Variants in ADGRD1 observed in about 807,000 individuals in gnomAD.
ADGRD1 encodes G-protein coupled receptor 133.
Under a neutral mutation model 113.4 loss-of-function variants are expected in ADGRD1, and 77 were observed. That is an observed-to-expected ratio of 0.68 (90% CI 0.57 to 0.82). The LOEUF (loss-of-function observed/expected upper bound fraction) is 0.82. Among genes scored for constraint, ADGRD1 ranks in the 40% least tolerant of loss-of-function variants. The probability of loss-of-function intolerance (pLI) is 0.00; values close to 1 mark genes in which losing one functional copy is unlikely to be tolerated. For synonymous variants in ADGRD1, 474 were observed against 475.0 expected, an observed-to-expected ratio of 1.00 and a Z score of 0.03; for missense variants, 1,036 against 1,139.1, an observed-to-expected ratio of 0.91 and a Z score of 1.30.
At chr12:131,101,377 C>CTTTCTTTTTTTTTTTTTTTTT (rs1950076237) in intron 15 of ADGRD1, among the ~76,000 whole-genome samples, 2 of 36,134 alleles carry the variant, frequency 5.5e-5, no homozygotes, top group African/African-American at 1.8e-4. Context: ...TTCTTTCTTT[C>CTTTCTTTTTTTTTTTTTTTTT]TTTTTTTTTT....
At chr12:131,029,515 T>C (rs1344741373) in intron 13 of ADGRD1, among the ~76,000 whole-genome samples, 1 of 151,584 alleles carries the variant, frequency 6.6e-6, no homozygotes, top group African/African-American at 2.4e-5. Context: ...ATTCCCAGGC[T>C]CTGGGATTAG....
At chr12:131,116,817 CAG>C (rs1950475768) in intron 18 of ADGRD1, among the ~76,000 whole-genome samples, 1 of 152,376 alleles carries the variant, frequency 6.6e-6, no homozygotes, top group East Asian at 1.9e-4. Flanking sequence ...GAGCAGAGGA[CAG>C]AGGCTGCTGT....
intron 15 of ADGRD1, among the ~76,000 whole-genome samples, chr12:131,088,751 G>A (rs1344338383): frequency 6.6e-6 from 1 of 152,158 alleles, no homozygotes; most frequent in African/African-American, 2.4e-5. Context: ...CGGGGGTGGA[G>A]GGGCACGAGT....
At chr12:131,091,199 G>A (rs1412420819) in intron 15 of ADGRD1, among the ~76,000 whole-genome samples, 1 of 152,148 alleles carries the variant, frequency 6.6e-6, no homozygotes, top group Non-Finnish European at 1.5e-5. Flanking sequence ...TAGGCCATTG[G>A]AACAGATAGA....
chr12:131,086,745 G>T (rs564278944), intron 15 of ADGRD1, among the ~76,000 whole-genome samples: 1 of 152,230 alleles, frequency 6.6e-6, no homozygotes, highest in East Asian at 1.9e-4. Flanking sequence ...ACGTGAGCGC[G>T]TATGAGCCTC....
intron 15 of ADGRD1, among the ~76,000 whole-genome samples, chr12:131,101,377 CTT>C (rs71095334): frequency 0.028 from 999 of 35,770 alleles, 4 homozygotes; most frequent in African/African-American, 0.09. Context: ...TTCTTTCTTT[CTT>C]TTTTTTTTTT....
chr12:131,060,737 T>A lies in ADGRD1; in HGVS notation c.1474-16064T>A, dbSNP rs1884248152. On this transcript the variant is annotated intron_variant, in intron 13 of 24. Transcript: ENST00000261654. This position sits in a 1 kb window ranked among gnomAD's most constrained non-coding sequence, Gnocchi z 4.4. ...TCCCTCACGTATCAGTAGCTACCCC[T>A]GGATTCTTTTGATCAAAAACTTTGG... Among the ~76,000 whole-genome samples the A allele has an allele frequency of 6.6e-6, 1 of 152,208 alleles. No homozygotes were observed. Among genetic ancestry groups the A allele is most frequent in the Non-Finnish European group, 1.5e-5 (1 of 68,036 alleles).
At chr12:130,987,556 G>T in intron 6 of ADGRD1, 1 of 604,182 alleles carries the variant, frequency 1.7e-6, no homozygotes, top group East Asian at 2.8e-5. Context: ...GATGCTTTGA[G>T]ATGAATATTG....
Position 131,120,834 on chromosome 12 carries a change from C to T in ADGRD1, c.2109-13C>T, listed in dbSNP as rs760794750. 75 of 1,614,020 alleles carry T rather than the reference C, an allele frequency of 4.6e-5. No individual in the cohort carries two copies. Among genetic ancestry groups the T allele is most frequent in the Admixed American group, 2.8e-4 (17 of 60,014 alleles). On this transcript the variant is annotated splice_polypyrimidine_tract_variant and intron_variant, in intron 19 of 24. Transcript: ENST00000261654. The stretch of plus-strand genomic sequence containing the variant: ...CGAGGTTGTTGAAGTAACGGCTCTG[C>T]TTCCCTCCGCAGTTGCTGGCTGTCG...
intron 2 of ADGRD1, among the ~76,000 whole-genome samples, chr12:130,960,354 A>C (rs919235242): frequency 6.6e-6 from 1 of 152,032 alleles, no homozygotes; most frequent in Admixed American, 6.6e-5. Context: ...CATTCCTTAG[A>C]TCTCCATCAT....
At chr12:130,995,115 G>A (rs1438771904) in intron 8 of ADGRD1, among the ~76,000 whole-genome samples, 1 of 152,244 alleles carries the variant, frequency 6.6e-6, no homozygotes, top group Non-Finnish European at 1.5e-5. Context: ...GTGTGATAGG[G>A]TGTGGCCAGG....
intron 18 of ADGRD1, among the ~76,000 whole-genome samples, chr12:131,115,801 T>C (rs1195928): frequency 0.15 from 22,980 of 152,066 alleles, 2,039 homozygotes; most frequent in Non-Finnish European, 0.2. Flanking sequence ...TGGTTGATGA[T>C]ACAGATTATT....
Position 131,084,637 on chromosome 12 carries a change from ATCC to A in ADGRD1, c.1648_1650del (p.Leu550del). 6.2e-7 allele frequency: 1 copy of A among 1,614,070 alleles called. No individual in the cohort carries two copies. The highest frequency in any genetic ancestry group is 8.5e-7 in the Non-Finnish European group (1 of 1,180,008). On this transcript the variant is annotated inframe_deletion, in exon 15 of 25. Coordinates refer to ENST00000261654, the MANE Select transcript of ADGRD1 (RefSeq NM_198827.5). The surrounding 1 kb of genome is among the most constrained non-coding windows in gnomAD (Gnocchi z 4.5). Reference sequence around the variant, plus strand: ...CTGCACTCACCTCACCAACTTTGCCATCCTCATGCAGGTGGTCCCGCTGGAGGT... The same window carrying A: ...CTGCACTCACCTCACCAACTTTGCCATCATGCAGGTGGTCCCGCTGGAGGT...
At chr12:131,126,849 C>T (rs768106141) in intron 20 of ADGRD1, among the ~76,000 whole-genome samples, 2 of 152,104 alleles carry the variant, frequency 1.3e-5, no homozygotes, top group Admixed American at 1.3e-4. Context: ...GGGCATTTTC[C>T]GATTTGTAGT....
intron 15 of ADGRD1, among the ~76,000 whole-genome samples, chr12:131,099,613 GGAA>G (rs1164294652): frequency 6.6e-6 from 1 of 152,152 alleles, no homozygotes; most frequent in East Asian, 1.9e-4. Flanking sequence ...ACCATTGTGT[GGAA>G]GAAGAATGTA....
intron 5 of ADGRD1, among the ~76,000 whole-genome samples, chr12:130,985,303 G>A (rs1198262372): frequency 3.3e-5 from 5 of 151,906 alleles, no homozygotes; most frequent in African/African-American, 7.3e-5. Context: ...CTCCCCATCC[G>A]TGACTTGTCT....
chr12:131,138,027 C>T, intron 23 of ADGRD1, 110 bp from the exon 24 acceptor site: 1 of 847,522 alleles, frequency 1.2e-6, no homozygotes, highest in Admixed American at 1.8e-5. Flanking sequence ...ATTTCCAAAT[C>T]CCAACCTCCC....
Position 130,992,386 on chromosome 12 carries a change from C to T in ADGRD1, c.960C>T (p.Leu320=), listed in dbSNP as rs1473908797. Residue 320 remains leucine, a synonymous_variant, in exon 8 of 25, where the codon CTC becomes CTT. Transcript: ENST00000261654. The part of the protein sequence containing the change: ...KSLSEQTALN[L]TKTFLKAVGE... The stretch of plus-strand genomic sequence containing the variant: ...TCTCGGAGCAGACAGCCTTGAATCT[C>T]ACCAAGGTAAGGCTATTTGATGTCT... 4 of 1,612,684 alleles carry T rather than the reference C, an allele frequency of 2.5e-6. No individual in the cohort carries two copies. Among genetic ancestry groups the T allele is most frequent in the Non-Finnish European group, 3.4e-6 (4 of 1,179,388 alleles).
At chr12:131,031,694 A>G (rs1880769795) in intron 13 of ADGRD1, among the ~76,000 whole-genome samples, 1 of 151,592 alleles carries the variant, frequency 6.6e-6, no homozygotes, top group Non-Finnish European at 1.5e-5. Context: ...GGCCACCTCC[A>G]TGGATCTCTG....
Sources: gnomAD v4.1 joint callset for allele counts (sites outside exome capture counted in the v4.1 genomes callset) on GRCh38, gnomAD v4.1.1 for gene constraint, Gnocchi (gnomAD v3.1) non-coding constraint, MANE v1.5 for transcripts, NCBI Gene and HGNC (gene_info 2026-07-23, HGNC 2026-07-21) for gene names.